The following FLVCR1 variants were observed in gnomAD, a reference collection of about 807,000 sequenced individuals.
FLVCR1 encodes FLVCR choline and heme transporter 1, also known as choline/ethanolamine transporter FLVCR1.
FLVCR1 carries 34 observed loss-of-function variants against 53.6 expected under a neutral mutation model. The ratio of observed to expected loss-of-function variants is 0.63; its 90% confidence interval spans 0.48 to 0.84. The LOEUF is 0.84. Ranked by LOEUF, FLVCR1 falls within the 40% of genes least tolerant of loss-of-function variation. The probability of loss-of-function intolerance (pLI) is 0.00; values close to 1 mark genes in which losing one functional copy is unlikely to be tolerated. For synonymous variants in FLVCR1, 300 were observed against 286.3 expected, an observed-to-expected ratio of 1.05 and a Z score of -0.48; for missense variants, 677 against 696.7, an observed-to-expected ratio of 0.97 and a Z score of 0.32.
chr1:212,889,046 C>T, intron 7 of FLVCR1, 100 bp from the exon 8 acceptor site: 5 of 929,064 alleles, frequency 5.4e-6, no homozygotes, highest in South Asian at 1.5e-5. Context: ...TTCTAGAAAC[C>T]AAATCATATA....
In FLVCR1 at chr1:212,898,799, G is replaced by C. The variant is rs1012793721; in HGVS notation, c.*3509G>C. 1 of 152,158 alleles carries C rather than the reference G, an allele frequency of 6.6e-6. No homozygotes were observed. Among genetic ancestry groups the C allele is most frequent in the Non-Finnish European group, 1.5e-5 (1 of 68,032 alleles). The allele number at this position is 152,158 out of a possible 1,614,324, so 9.4% of individuals were successfully genotyped here. A position where few individuals can be genotyped will look rare whatever the true frequency, so the allele number is the denominator to read the frequency against. ...AGGTGGTAGAGCCTACTGCACACCT[G>C]GGCTAGATGGCAAAGTCTGTCGCTT... is the stretch of plus-strand genomic sequence containing the variant. On this transcript the variant is annotated 3_prime_UTR_variant, in exon 10 of 10. Coordinates refer to ENST00000366971, the MANE Select transcript of FLVCR1 (RefSeq NM_014053.4).
At chr1:212,881,890 GTGTGTC>G (rs2102562170) in intron 3 of FLVCR1, among the ~76,000 whole-genome samples, 1 of 152,296 alleles carries the variant, frequency 6.6e-6, no homozygotes, top group East Asian at 1.9e-4. Context: ...GAAGACATTT[GTGTGTC>G]TGTGTCTGTG....
At position 212,895,242 on chromosome 1, in the gene FLVCR1, A is replaced by C; in HGVS notation, c.1620A>C (p.Gln540His). The change falls in exon 10 of 10, where the codon CAA becomes CAC. Residue 540 changes from glutamine to histidine, a missense_variant. Transcript: ENST00000366971. Reference sequence around the variant, plus strand: ...TACCAGCTGACAGTCCCACAGACCAAGAACCAAAAACGGTTATGTTGTCCA... The same window carrying C: ...TACCAGCTGACAGTCCCACAGACCACGAACCAAAAACGGTTATGTTGTCCA... The part of the protein sequence containing the change: ...KAIPADSPTD[Q>H]EPKTVMLSKQ... The C allele has an allele frequency of 6.2e-7, 1 of 1,613,476 alleles. No individual in the cohort carries two copies. The highest frequency in any genetic ancestry group is 1.7e-5 in the Admixed American group (1 of 60,000).
At chr1:212,891,206 C>T (rs949804192) in intron 8 of FLVCR1, among the ~76,000 whole-genome samples, 20 of 152,026 alleles carry the variant, frequency 1.3e-4, no homozygotes, top group African/African-American at 3.9e-4. Flanking sequence ...GTCAGGAGTT[C>T]AAGACCAGCC....
chr1:212,864,059 C>A (rs1035414688), intron 2 of FLVCR1, among the ~76,000 whole-genome samples, 190 bp downstream of exon 2: 5 of 152,160 alleles, frequency 3.3e-5, no homozygotes, highest in African/African-American at 1.2e-4. Flanking sequence ...TTTATTTTCA[C>A]ATTGTGAAGG....
At chr1:212,874,526 CTTTTTTTTTT>C (rs61497441) in intron 3 of FLVCR1, among the ~76,000 whole-genome samples, 3 of 120,880 alleles carry the variant, frequency 2.5e-5, no homozygotes, top group Non-Finnish European at 5.0e-5. Context: ...TTCTTTTTTT[CTTTTTTTTTT>C]TTTTTTTTTT....
At position 212,896,544 on chromosome 1, in the gene FLVCR1, G is replaced by C. The variant is rs1665339170; in HGVS notation, c.*1254G>C. The C allele has an allele frequency of 6.6e-6, 1 of 152,002 alleles. No homozygotes were observed. The highest frequency in any genetic ancestry group is 1.5e-5 in the Non-Finnish European group (1 of 68,000). 9.4% of individuals were successfully genotyped at this position (152,002 alleles called of 1,614,324 possible). A position where few individuals can be genotyped will look rare whatever the true frequency, so the allele number is the denominator to read the frequency against. On this transcript the variant is annotated 3_prime_UTR_variant, in exon 10 of 10. Transcript: ENST00000366971. ...TGTTTACAGTGAGAGTTTAAATATTGTTGATGTCCTGACTCTGTGAGCTCA... is the reference window on the plus strand; with the variant it reads ...TGTTTACAGTGAGAGTTTAAATATTCTTGATGTCCTGACTCTGTGAGCTCA...
Position 212,858,698 on chromosome 1 carries a change from G to A in FLVCR1, c.246G>A (p.Leu82=), listed in dbSNP as rs1178647785. ...APEEETQARL[L]PAGAGAETPG... ...AAGAGGAGACCCAGGCCCGGCTGCT[G>A]CCTGCGGGCGCGGGAGCTGAGACCC... is the stretch of plus-strand genomic sequence containing the variant. Residue 82 remains leucine (L), a synonymous_variant, in exon 1 of 10, where the codon CTG becomes CTA. Coordinates refer to ENST00000366971, the MANE Select transcript of FLVCR1 (RefSeq NM_014053.4). 3.8e-6 allele frequency: 6 copies of A among 1,589,206 alleles called. No homozygotes were observed. The highest frequency in any genetic ancestry group is 5.1e-6 in the Non-Finnish European group (6 of 1,170,128).
intron 4 of FLVCR1, among the ~76,000 whole-genome samples, chr1:212,884,932 A>C (rs1665020693): frequency 6.6e-6 from 1 of 152,234 alleles, no homozygotes; most frequent in Non-Finnish European, 1.5e-5. Flanking sequence ...TTATAATCTT[A>C]CAGGATCATA....
At chr1:212,888,668 G>T in intron 7 of FLVCR1, 74 bp downstream of exon 7, 1 of 1,121,400 alleles carries the variant, frequency 8.9e-7, no homozygotes, top group South Asian at 1.3e-5. Flanking sequence ...GTTTGACCAT[G>T]GTTTTATTTG....
chr1:212,890,031 G>T (rs776925156), intron 8 of FLVCR1, among the ~76,000 whole-genome samples: 38 of 152,216 alleles, frequency 2.5e-4, no homozygotes, highest in Non-Finnish European at 3.7e-4. Context: ...ATGGTAAGCA[G>T]TCAAGTGGTA....
intron 8 of FLVCR1, among the ~76,000 whole-genome samples, chr1:212,892,545 A>G (rs181346100): frequency 6.6e-6 from 1 of 152,330 alleles, no homozygotes; most frequent in Admixed American, 6.5e-5. Flanking sequence ...CTACTGAGAA[A>G]AACATTCCTT....
chr1:212,858,334 A>C lies in FLVCR1; in HGVS notation c.-119A>C. On this transcript the variant is annotated 5_prime_UTR_variant, in exon 1 of 10. Transcript: ENST00000366971. Reference sequence around the variant, plus strand: ...CGGTTCGCGGCGCGCGCCACCGGGGAAGGAGCGGTGGGCCGAGGGGTTGGA... The same window carrying C: ...CGGTTCGCGGCGCGCGCCACCGGGGCAGGAGCGGTGGGCCGAGGGGTTGGA... The C allele has an allele frequency of 4.0e-6, 4 of 990,266 alleles. No homozygotes were observed. Among genetic ancestry groups the C allele is most frequent in the Non-Finnish European group, 4.2e-6 (3 of 712,698 alleles). The allele number at this position is 990,266 out of a possible 1,614,324, so 61.3% of individuals were successfully genotyped here. A position where few individuals can be genotyped will look rare whatever the true frequency, so the allele number is the denominator to read the frequency against.
intron 8 of FLVCR1, 136 bp from the exon 9 acceptor site, chr1:212,894,850 T>TC: frequency 1.4e-6 from 1 of 720,032 alleles, no homozygotes; most frequent in Non-Finnish European, 2.6e-6. Flanking sequence ...TATTATTTTT[T>TC]AGGCTGTTGG....
chr1:212,877,367 C>T (rs1664783392), intron 3 of FLVCR1, among the ~76,000 whole-genome samples: 2 of 152,030 alleles, frequency 1.3e-5, no homozygotes, highest in Non-Finnish European at 2.9e-5. Context: ...CACCCGCCAC[C>T]ACGCCCAGCT....
chr1:212,874,709 A>G (rs905106105), intron 3 of FLVCR1, among the ~76,000 whole-genome samples: 7 of 151,454 alleles, frequency 4.6e-5, no homozygotes, highest in African/African-American at 1.7e-4. Flanking sequence ...TTGTTTTTTT[A>G]GTAGAGGCGG....
intron 3 of FLVCR1, among the ~76,000 whole-genome samples, chr1:212,881,361 CAG>C (rs1664925689): frequency 8.0e-6 from 1 of 124,232 alleles, no homozygotes; most frequent in African/African-American, 3.0e-5. Flanking sequence ...TTTTTTGAGA[CAG>C]AGTCTCGCTC....
intron 8 of FLVCR1, among the ~76,000 whole-genome samples, chr1:212,891,551 A>G (rs889097604): frequency 9.2e-5 from 14 of 152,346 alleles, no homozygotes; most frequent in African/African-American, 3.1e-4. Context: ...AAACAAATCA[A>G]GTCTAGAAAA....
chr1:212,870,989 C>T (rs369297051), intron 2 of FLVCR1, among the ~76,000 whole-genome samples: 20 of 152,070 alleles, frequency 1.3e-4, no homozygotes, highest in African/African-American at 4.6e-4. Context: ...AGGCTGGTCT[C>T]GAACTCCTGA....
Sources: allele counts gnomAD v4.1 joint callset (sites outside exome capture counted in the v4.1 genomes callset), GRCh38; gene constraint gnomAD v4.1.1; transcripts MANE v1.5; gene names NCBI Gene and HGNC (gene_info 2026-07-23, HGNC 2026-07-21).